The following RABGAP1 variants were observed in gnomAD, a reference collection of about 807,000 sequenced individuals.
The protein encoded by RABGAP1 is rab GTPase-activating protein 1.
In RABGAP1, 23 loss-of-function variants were observed where a neutral mutation model predicts 137.6. The observed-to-expected ratio is 0.17, with a 90% CI of 0.12 to 0.24. The LOEUF (loss-of-function observed/expected upper bound fraction) is 0.24. Ranked by LOEUF, RABGAP1 falls within the 10% of genes least tolerant of loss-of-function variation. The probability of loss-of-function intolerance (pLI) is 1.00; values close to 1 mark genes in which losing one functional copy is unlikely to be tolerated. For missense variants in RABGAP1, 906 were observed against 1,275.8 expected (o/e 0.71, Z 4.42); for synonymous variants, 451 against 450.7 (o/e 1.00, Z -0.01).
At chr9:122,996,919 A>G (rs928684228) in intron 8 of RABGAP1, 29 of 481,200 alleles carry the variant, frequency 6.0e-5, no homozygotes, top group African/African-American at 4.7e-4. Context: ...TATCTTACCA[A>G]TAGTAGGAGT....
At chr9:123,003,228 T>C (rs1390166267) in intron 10 of RABGAP1, among the ~76,000 whole-genome samples, 1 of 152,230 alleles carries the variant, frequency 6.6e-6, no homozygotes, top group African/African-American at 2.4e-5. Context: ...AAATCTTAGG[T>C]AGTTTTCACA....
intron 5 of RABGAP1, 24 bp downstream of exon 5, chr9:122,989,495 C>T (rs187922040): frequency 6.2e-7 from 1 of 1,610,340 alleles, no homozygotes; most frequent in African/African-American, 1.3e-5. Context: ...AGAAAACTCT[C>T]TGCAAATGAA....
chr9:123,058,344 A>C (rs1218591700), intron 13 of RABGAP1, among the ~76,000 whole-genome samples: 4 of 152,196 alleles, frequency 2.6e-5, no homozygotes, highest in Non-Finnish European at 5.9e-5. Context: ...AATTTTTCTA[A>C]AATCTACACT....
chr9:123,086,663 TG>T (rs1377318197), intron 19 of RABGAP1, among the ~76,000 whole-genome samples: 2 of 148,896 alleles, frequency 1.3e-5, no homozygotes, highest in African/African-American at 5.0e-5. Flanking sequence ...GTGTTTTTAT[TG>T]ATTTTGTGTT....
chr9:123,028,274 C>T (rs2032097945), intron 13 of RABGAP1, among the ~76,000 whole-genome samples: 1 of 152,164 alleles, frequency 6.6e-6, no homozygotes, highest in Admixed American at 6.5e-5. Flanking sequence ...TGAATGCCTA[C>T]CCTGTGCCAA....
chr9:123,015,479 C>T, intron 11 of RABGAP1, 64 bp from the exon 12 acceptor site: 1 of 1,016,272 alleles, frequency 9.8e-7, no homozygotes, highest in South Asian at 1.5e-5. Context: ...TCTTAACATT[C>T]CAGTGTTCTT....
At chr9:122,995,215 ATAAAGT>A (rs1407749752) in intron 6 of RABGAP1, among the ~76,000 whole-genome samples, 4 of 152,224 alleles carry the variant, frequency 2.6e-5, no homozygotes, top group Admixed American at 2.0e-4. Flanking sequence ...CTGGTTTATA[ATAAAGT>A]TAACAGTGCT....
intron 13 of RABGAP1, among the ~76,000 whole-genome samples, chr9:123,035,990 C>G (rs1377863495): frequency 1.3e-5 from 2 of 152,180 alleles, no homozygotes; most frequent in Non-Finnish European, 2.9e-5. Context: ...AAAGTCATCA[C>G]TTTCTTGTCA....
chr9:123,059,241 C>T (rs1397045370), intron 13 of RABGAP1, among the ~76,000 whole-genome samples: 1 of 152,096 alleles, frequency 6.6e-6, no homozygotes, highest in Non-Finnish European at 1.5e-5. Context: ...TGTTTATGTC[C>T]CCCCAAAATT....
chr9:123,103,628 TA>T lies in RABGAP1; in HGVS notation c.*416del. 1.1e-5 allele frequency: 1 copy of T among 87,316 alleles called. No homozygotes were observed. Among genetic ancestry groups the T allele is most frequent in the Non-Finnish European group, 2.1e-5 (1 of 46,872 alleles). 5.4% of individuals were successfully genotyped at this position (87,316 alleles called of 1,614,324 possible). On this transcript the variant is annotated 3_prime_UTR_variant, in exon 26 of 26. Transcript: ENST00000373647. ...ATATATATATATATATATATATATATATATATATAGTGGGGGTGGGGCAAGG... is the reference window on the plus strand; with the variant it reads ...ATATATATATATATATATATATATATTATATATAGTGGGGGTGGGGCAAGG...
chr9:123,076,776 G>C lies in RABGAP1; in HGVS notation c.2424+14G>C, dbSNP rs1417115510. 6.4e-7 allele frequency: 1 copy of C among 1,560,130 alleles called. No individual in the cohort carries two copies. On this transcript the variant is annotated intron_variant, in intron 19 of 25. Coordinates refer to ENST00000373647, the MANE Select transcript of RABGAP1 (RefSeq NM_012197.4). Reference sequence around the variant, plus strand: ...TGCAACATGAAGGTAAAATAATTTTGCATTAGTTAAGATTCTGTTTTTCAC... The same window carrying C: ...TGCAACATGAAGGTAAAATAATTTTCCATTAGTTAAGATTCTGTTTTTCAC...
rs755752351 is a variant in RABGAP1, at chr9:122,998,579, C to G, written c.1205-18C>G. 7.3e-6 allele frequency: 11 copies of G among 1,506,370 alleles called. No individual in the cohort carries two copies. In the Admixed American group the frequency reaches 7.8e-5, roughly 11 times the overall value. 93.3% of individuals were successfully genotyped at this position (1,506,370 alleles called of 1,614,324 possible). ...TGTTTCTGATTTACCTCTTCAGCCT[C>G]TCTCTTTCTTTGTTTAGATAAAGTC... is the stretch of plus-strand genomic sequence containing the variant. On this transcript the variant is annotated intron_variant, in intron 9 of 25. Coordinates refer to ENST00000373647, the MANE Select transcript of RABGAP1 (RefSeq NM_012197.4).
At chr9:123,083,727 G>A (rs1367454822) in intron 19 of RABGAP1, among the ~76,000 whole-genome samples, 1 of 152,196 alleles carries the variant, frequency 6.6e-6, no homozygotes, top group African/African-American at 2.4e-5. Flanking sequence ...CACAGACCTT[G>A]GCTTTTATCC....
At chr9:122,945,163 T>TTTTTTTTTTTTTTTTTTTTTTCATTA (rs1833881317) in intron 1 of RABGAP1, among the ~76,000 whole-genome samples, 1 of 144,132 alleles carries the variant, frequency 6.9e-6, no homozygotes, top group African/African-American at 2.6e-5. Flanking sequence ...TTTTTTTTTT[T>TTTTTTTTTTTTTTTTTTTTTTCATTA]AGCATAAACT....
Position 123,089,780 on chromosome 9 carries a change from A to C in RABGAP1, c.2447A>C (p.Lys816Thr), listed in dbSNP as rs2132211967. The stretch of plus-strand genomic sequence containing the variant: ...CAGATTAGTCAGAAGAAGTTGAAAA[A>C]ATACGAGAAAGAATATCACACCATG... ...NMKISQKKLK[K>T]YEKEYHTMRE... Residue 816 changes from lysine to threonine, a missense_variant, in exon 20 of 26, where the codon AAA (lysine) becomes ACA (threonine). This residue lies in a region of RABGAP1 where 77 missense variants were observed against 105.6 expected (regional missense o/e 0.73). Coordinates refer to ENST00000373647, the MANE Select transcript of RABGAP1 (RefSeq NM_012197.4). The C allele has an allele frequency of 6.2e-7, 1 of 1,613,494 alleles. No homozygotes were observed. Among genetic ancestry groups the C allele is most frequent in the East Asian group, 2.2e-5 (1 of 44,858 alleles).
chr9:122,957,830 G>C (rs545078035), intron 2 of RABGAP1, among the ~76,000 whole-genome samples: 12 of 151,626 alleles, frequency 7.9e-5, no homozygotes, highest in African/African-American at 2.7e-4. Flanking sequence ...AAGTACTGGG[G>C]ATATAGTGGT....
chr9:123,088,515 C>G (rs1026680169), intron 19 of RABGAP1, among the ~76,000 whole-genome samples: 1 of 152,138 alleles, frequency 6.6e-6, no homozygotes, highest in African/African-American at 2.4e-5. Flanking sequence ...CATAGCAAAA[C>G]TCCATCCCTA....
In RABGAP1 at chr9:123,097,732, A is replaced by C. The variant is rs769654133; in HGVS notation, c.2629-9A>C. The C allele has an allele frequency of 6.3e-7, 1 of 1,598,186 alleles. No homozygotes were observed. Among genetic ancestry groups the C allele is most frequent in the South Asian group, 1.1e-5 (1 of 87,972 alleles). Reference sequence around the variant, plus strand: ...CTTGTTTTGTGACAGCATATCTTAAATGTTTCAGGCTGAGGAAAAGGCAGA... The same window carrying C: ...CTTGTTTTGTGACAGCATATCTTAACTGTTTCAGGCTGAGGAAAAGGCAGA... On this transcript the variant is annotated splice_polypyrimidine_tract_variant and intron_variant, in intron 21 of 25. Coordinates refer to ENST00000373647, the MANE Select transcript of RABGAP1 (RefSeq NM_012197.4).
intron 10 of RABGAP1, among the ~76,000 whole-genome samples, chr9:122,999,081 A>C (rs781229371): frequency 6.6e-6 from 1 of 152,064 alleles, no homozygotes; most frequent in Non-Finnish European, 1.5e-5. Context: ...CTTTCATCCC[A>C]GTAGGGTATT....
Sources: allele counts gnomAD v4.1 joint callset (sites outside exome capture counted in the v4.1 genomes callset), GRCh38; gene constraint gnomAD v4.1.1; regional missense constraint gnomAD v4.1.1; transcripts MANE v1.5; gene names NCBI Gene and HGNC (gene_info 2026-07-23, HGNC 2026-07-21).